ADORA2B: variants seen among roughly 807,000 people sequenced by gnomAD.
The protein encoded by ADORA2B is adenosine A2b receptor, also known as adenosine receptor A2b.
Under a neutral mutation model 20.8 loss-of-function variants are expected in ADORA2B, and 18 were observed. The ratio of observed to expected loss-of-function variants is 0.87; its 90% CI spans 0.60 to 1.29. The LOEUF (loss-of-function observed/expected upper bound fraction) is 1.29. Among genes scored for constraint, ADORA2B ranks in the 50% most tolerant of loss-of-function variants. The pLI is 0.00. For synonymous variants in ADORA2B, 179 were observed against 178.3 expected (o/e 1.00, Z -0.03); for missense variants, 441 against 422.7 (o/e 1.04, Z -0.38).
At chr17:15,948,719 A>T (rs1224514215) in intron 1 of ADORA2B, among the ~76,000 whole-genome samples, 2 of 152,148 alleles carry the variant, frequency 1.3e-5, no homozygotes, top group Non-Finnish European at 1.5e-5. Flanking sequence ...AGTTGGCCGA[A>T]TGGGTCCAGT....
chr17:15,862,922 A>G, the ADORA2B span, among the ~76,000 whole-genome samples: 1 of 151,550 alleles, frequency 6.6e-6, no homozygotes, highest in Non-Finnish European at 1.5e-5. Context: ...ACATATTATC[A>G]TTACTAATAA....
chr17:15,906,286 CTAGT>C, the ADORA2B span, among the ~76,000 whole-genome samples: 1 of 152,112 alleles, frequency 6.6e-6, no homozygotes, highest in African/African-American at 2.4e-5. Context: ...AGTTCTGTTC[CTAGT>C]TTGCTGAGAG....
chr17:15,910,874 C>T, the ADORA2B span, among the ~76,000 whole-genome samples: 1 of 152,220 alleles, frequency 6.6e-6, no homozygotes, highest in Non-Finnish European at 1.5e-5. Context: ...CCACCACTAA[C>T]CTGGGGACAA....
the ADORA2B span, among the ~76,000 whole-genome samples, chr17:15,905,531 CA>C: frequency 6.6e-6 from 1 of 151,980 alleles, no homozygotes; most frequent in Admixed American, 6.6e-5. Context: ...AGGTGCACGC[CA>C]CCAAACCCAG....
At chr17:15,972,845 T>C (rs1597432326) in intron 1 of ADORA2B, among the ~76,000 whole-genome samples, 1 of 152,084 alleles carries the variant, frequency 6.6e-6, no homozygotes, top group Non-Finnish European at 1.5e-5. Context: ...CTCAACCTCC[T>C]GGGCTCAAGT....
intron 1 of ADORA2B, among the ~76,000 whole-genome samples, chr17:15,953,821 A>G (rs1316826417): frequency 6.6e-6 from 1 of 152,224 alleles, no homozygotes; most frequent in Non-Finnish European, 1.5e-5. Context: ...GACACTGCAC[A>G]GGGGGAAGCT....
chr17:15,931,489 G>A, the ADORA2B span, among the ~76,000 whole-genome samples: 1 of 152,314 alleles, frequency 6.6e-6, no homozygotes, highest in East Asian at 1.9e-4. Context: ...CCCTGGGATG[G>A]GCATGGTGTG....
intron 1 of ADORA2B, among the ~76,000 whole-genome samples, chr17:15,967,182 G>C (rs1443147934): frequency 6.6e-6 from 1 of 152,080 alleles, no homozygotes; most frequent in Non-Finnish European, 1.5e-5. Flanking sequence ...AGAGTCCCCA[G>C]GGGTTCGTTC....
chr17:15,902,923 G>A, the ADORA2B span, among the ~76,000 whole-genome samples: 3 of 152,230 alleles, frequency 2.0e-5, no homozygotes, highest in African/African-American at 7.2e-5. Context: ...ATGGGAAGGG[G>A]CCCATGGGGG....
At chr17:15,945,667 CG>C in intron 1 of ADORA2B, 84 bp downstream of exon 1, 1 of 1,333,048 alleles carries the variant, frequency 7.5e-7, no homozygotes, top group Non-Finnish European at 9.9e-7. Flanking sequence ...GTTCCTCCCT[CG>C]GGGGCCCCAG....
At chr17:15,946,986 G>A (rs1486883820) in intron 1 of ADORA2B, among the ~76,000 whole-genome samples, 1 of 152,210 alleles carries the variant, frequency 6.6e-6, no homozygotes, top group Non-Finnish European at 1.5e-5. Context: ...AGATGTGTTG[G>A]GCCTGGTCCT....
the ADORA2B span, among the ~76,000 whole-genome samples, chr17:15,933,963 A>G: frequency 6.6e-6 from 1 of 152,102 alleles, no homozygotes; most frequent in Non-Finnish European, 1.5e-5. Flanking sequence ...GTCTTTTATC[A>G]TTGAATACGC....
chr17:15,960,774 G>T (rs1281238891), intron 1 of ADORA2B, among the ~76,000 whole-genome samples: 5 of 151,594 alleles, frequency 3.3e-5, no homozygotes, highest in African/African-American at 1.2e-4. Flanking sequence ...TACTCGGGAG[G>T]CTGAGGCAGG....
At chr17:15,914,137 C>T in the ADORA2B span, among the ~76,000 whole-genome samples, 2 of 152,296 alleles carry the variant, frequency 1.3e-5, no homozygotes, top group African/African-American at 4.8e-5. Flanking sequence ...GAAGGCATTT[C>T]AAACACACAT....
intron 1 of ADORA2B, among the ~76,000 whole-genome samples, chr17:15,973,542 G>A (rs1254088747): frequency 6.6e-6 from 1 of 152,182 alleles, no homozygotes; most frequent in Non-Finnish European, 1.5e-5. Flanking sequence ...GCAGGCAGGC[G>A]AGCATTACTG....
chr17:15,964,615 CAA>C (rs372895382), intron 1 of ADORA2B, among the ~76,000 whole-genome samples: 9,403 of 66,254 alleles, frequency 0.14, 1,019 homozygotes, highest in African/African-American at 0.37. Context: ...GACTCTGTCT[CAA>C]AAAAAAAAAA....
In ADORA2B at chr17:15,975,401, G is replaced by A. The variant is rs1250560035; in HGVS notation, c.*59G>A. On this transcript the variant is annotated 3_prime_UTR_variant, in exon 2 of 2. Coordinates refer to ENST00000304222, the MANE Select transcript of ADORA2B (RefSeq NM_000676.4). ...AATCCACAAGAAACAAAGAGGACAC[G>A]GCTGGTTTTCATTGTGAAAGATAGC... is the stretch of plus-strand genomic sequence containing the variant. 17 of 1,538,550 alleles carry A rather than the reference G, an allele frequency of 1.1e-5. No individual in the cohort carries two copies. The highest frequency in any genetic ancestry group is 3.8e-5 in the Admixed American group (2 of 52,962).
the ADORA2B span, among the ~76,000 whole-genome samples, chr17:15,912,434 G>A: frequency 3.6e-4 from 55 of 152,030 alleles, no homozygotes; most frequent in Non-Finnish European, 6.5e-4. Context: ...TGCCTGTCCT[G>A]AAGTGTTCAC....
chr17:15,920,374 T>C, the ADORA2B span, among the ~76,000 whole-genome samples: 9 of 152,172 alleles, frequency 5.9e-5, no homozygotes, highest in African/African-American at 2.2e-4. Context: ...TTATACAAAA[T>C]AAATAAAAGT....
Sources: allele counts gnomAD v4.1 joint callset (sites outside exome capture counted in the v4.1 genomes callset), GRCh38; gene constraint gnomAD v4.1.1; transcripts MANE v1.5; gene names NCBI Gene and HGNC (gene_info 2026-07-23, HGNC 2026-07-21).